RHEB: variants seen among roughly 807,000 people sequenced by gnomAD.
RHEB encodes GTP-binding protein Rheb.
RHEB carries 2 observed loss-of-function variants against 28.8 expected under a neutral mutation model. That is an observed-to-expected ratio of 0.07 (90% CI 0.03 to 0.22). The LOEUF is 0.22. Ranked by LOEUF, RHEB falls within the 10% of genes least tolerant of loss-of-function variation. RHEB has a pLI of 1.00. For missense variants in RHEB, 76 were observed against 219.9 expected, an observed-to-expected ratio of 0.35 and a Z score of 4.14; for synonymous variants, 69 against 77.3, an observed-to-expected ratio of 0.89 and a Z score of 0.56.
chr7:151,490,063 T>C (rs1028104223), intron 2 of RHEB, among the ~76,000 whole-genome samples: 2 of 152,184 alleles, frequency 1.3e-5, no homozygotes, highest in Non-Finnish European at 1.5e-5. Flanking sequence ...AGAAACCTAG[T>C]TCCAGGGCCC....
In RHEB at chr7:151,489,071, G is replaced by A. The variant is rs1032670371; in HGVS notation, c.124+1872C>T. On this transcript the variant is annotated intron_variant, in intron 2 of 7. Transcript: ENST00000262187. The stretch of plus-strand genomic sequence containing the variant: ...TCCGCCTGTCTCAGCTGAGACTACA[G>A]GCACACACCATCACGCCCAGCTAAT... Among the ~76,000 whole-genome samples, 31 of 152,098 alleles carry A rather than the reference G, an allele frequency of 2.0e-4. 1 individual carries two copies. The highest frequency in any genetic ancestry group is 7.5e-4 in the African/African-American group (31 of 41,394).
chr7:151,480,183 T>C (rs1338636335), intron 3 of RHEB, among the ~76,000 whole-genome samples: 1 of 152,136 alleles, frequency 6.6e-6, no homozygotes, highest in African/African-American at 2.4e-5. Flanking sequence ...ATGTGCATTA[T>C]TACCCTATGT....
At chr7:151,496,375 T>C (rs747938805) in intron 1 of RHEB, among the ~76,000 whole-genome samples, 22 of 152,170 alleles carry the variant, frequency 1.4e-4, no homozygotes, top group Non-Finnish European at 2.1e-4. Context: ...ATTCTCATCA[T>C]CTAATCCAAA....
intron 1 of RHEB, chr7:151,502,383 A>G (rs1467925000): frequency 1.2e-6 from 1 of 806,480 alleles, no homozygotes; most frequent in African/African-American, 1.7e-5. Context: ...GCAGGAGTAA[A>G]CCGCCATCCA....
At chr7:151,513,525 G>A (rs34547544) in intron 1 of RHEB, among the ~76,000 whole-genome samples, 62,434 of 152,090 alleles carry the variant, frequency 0.41, 14,497 homozygotes, top group South Asian at 0.6. Flanking sequence ...AATAAAATGT[G>A]TCAACATGTG....
chr7:151,488,598 A>G (rs1427952298), intron 2 of RHEB, among the ~76,000 whole-genome samples: 1 of 152,242 alleles, frequency 6.6e-6, no homozygotes, highest in Admixed American at 6.5e-5. Flanking sequence ...GTGTTAGGTT[A>G]TCAGAAGTGT....
rs1006465976 is a variant in RHEB, at chr7:151,468,692, C to T, written c.463-1481G>A. Among the ~76,000 whole-genome samples the T allele has an allele frequency of 2.6e-5, 4 of 152,266 alleles. No individual in the cohort carries two copies. Among genetic ancestry groups the T allele is most frequent in the Admixed American group, 2.0e-4 (3 of 15,288 alleles). On this transcript the variant is annotated intron_variant, in intron 7 of 7. Transcript: ENST00000262187. This position sits in a 1 kb window ranked among gnomAD's most constrained non-coding sequence, Gnocchi z 4.3. ...TCCATCCACCAAGCTGACCCACCCA[C>T]TTGAATGTGGGCTCCCATCCTCAGC...
At chr7:151,470,787 T>C (rs1339395696) in intron 6 of RHEB, 135 bp from the exon 7 acceptor site, 22 of 603,116 alleles carry the variant, frequency 3.6e-5, no homozygotes, top group Admixed American at 6.0e-5. Context: ...GGCCTAACAT[T>C]AGCATCAAGA....
intron 1 of RHEB, among the ~76,000 whole-genome samples, chr7:151,516,305 A>AAAAAAAAG (rs1240290245): frequency 3.3e-5 from 5 of 152,036 alleles, no homozygotes; most frequent in African/African-American, 1.2e-4. Flanking sequence ...ACAACACTCA[A>AAAAAAAAG]AAAAAAAGAA....
rs552665079 is a variant in RHEB at position 151,503,482 on chromosome 7, G to A, written c.53-12468C>T. 53 of 1,033,054 alleles carry A rather than the reference G, an allele frequency of 5.1e-5. No homozygotes were observed. The South Asian group carries it at 5.1e-4, about 10-fold the overall frequency. 64.0% of individuals were successfully genotyped at this position (1,033,054 alleles called of 1,614,324 possible). A position where few individuals can be genotyped will look rare whatever the true frequency, so the allele number is the denominator to read the frequency against. On this transcript the variant is annotated intron_variant, in intron 1 of 7. Coordinates refer to ENST00000262187, the MANE Select transcript of RHEB (RefSeq NM_005614.4). ...TGACTAGACATGAGTCTGGCAAAAC[G>A]TGCCTCACCCTCCAGCATCCAACCC...
intron 1 of RHEB, among the ~76,000 whole-genome samples, chr7:151,506,533 C>T (rs1269212389): frequency 1.3e-5 from 2 of 152,002 alleles, no homozygotes; most frequent in African/African-American, 2.4e-5. Flanking sequence ...AAGTGCTCAG[C>T]AAATCTCATT....
intron 7 of RHEB, among the ~76,000 whole-genome samples, chr7:151,470,132 T>C (rs1170530191): frequency 6.6e-6 from 1 of 152,184 alleles, no homozygotes; most frequent in African/African-American, 2.4e-5. Flanking sequence ...AAGATGGTTC[T>C]TCATCATTTC....
chr7:151,518,891 C>G (rs975795376), intron 1 of RHEB: 13 of 152,328 alleles, frequency 8.5e-5, no homozygotes, highest in African/African-American at 3.1e-4. Flanking sequence ...GCCTAGGTTT[C>G]CTATGCAGAA....
intron 3 of RHEB, among the ~76,000 whole-genome samples, chr7:151,477,682 G>A (rs1028080938): frequency 5.1e-4 from 77 of 152,196 alleles, no homozygotes; most frequent in African/African-American, 1.8e-3. Flanking sequence ...GAAGAGGATG[G>A]ATGGAACACA....
At chr7:151,490,844 G>T (rs1023245761) in intron 2 of RHEB, 99 bp downstream of exon 2, 2 of 903,624 alleles carry the variant, frequency 2.2e-6, no homozygotes, top group Admixed American at 1.7e-5. Flanking sequence ...GAGACACACA[G>T]AATTTACCTC....
intron 1 of RHEB, among the ~76,000 whole-genome samples, chr7:151,500,647 A>G (rs1802757473): frequency 6.6e-6 from 1 of 152,156 alleles, no homozygotes; most frequent in African/African-American, 2.4e-5. Flanking sequence ...AGTTTGAGAC[A>G]AGCCTGGGGA....
At chr7:151,510,897 G>A (rs1285062629) in intron 1 of RHEB, among the ~76,000 whole-genome samples, 1 of 151,972 alleles carries the variant, frequency 6.6e-6, no homozygotes, top group African/African-American at 2.4e-5. Context: ...GAGGCAACAA[G>A]TAAGACCTCA....
intron 2 of RHEB, 34 bp downstream of exon 2, chr7:151,490,909 T>C: frequency 6.8e-7 from 1 of 1,478,298 alleles, no homozygotes; most frequent in Non-Finnish European, 9.5e-7. Flanking sequence ...AAAGAAGGCT[T>C]CTCAGTTTTT....
chr7:151,497,450 T>C (rs533717539), intron 1 of RHEB, among the ~76,000 whole-genome samples: 2 of 152,332 alleles, frequency 1.3e-5, no homozygotes, highest in East Asian at 3.9e-4. Context: ...CAAGTTCAAC[T>C]ATTATCACCT....
Sources: allele counts gnomAD v4.1 joint callset (sites outside exome capture counted in the v4.1 genomes callset), GRCh38; gene constraint gnomAD v4.1.1; non-coding constraint Gnocchi (gnomAD v3.1); transcripts MANE v1.5; gene names NCBI Gene and HGNC (gene_info 2026-07-23, HGNC 2026-07-21).